Variants in NRG1 observed in about 807,000 individuals in gnomAD.
NRG1 encodes the protein neuregulin 1, also known as pro-neuregulin-1, membrane-bound isoform.
In NRG1, 18 loss-of-function variants were observed where a neutral mutation model predicts 63.8. The observed-to-expected ratio is 0.28, with a 90% CI of 0.19 to 0.42. The LOEUF is 0.42. NRG1 is among the 10% of genes least tolerant of loss of function. NRG1 has a pLI of 1.00. For missense variants in NRG1, 762 were observed against 814.7 expected, an observed-to-expected ratio of 0.94 and a Z score of 0.79; for synonymous variants, 302 against 301.3, an observed-to-expected ratio of 1.00 and a Z score of -0.02.
chr8:32,103,033 G>C (rs1830771931), intron 1 of NRG1, among the ~76,000 whole-genome samples: 1 of 152,054 alleles, frequency 6.6e-6, no homozygotes, highest in South Asian at 2.1e-4. Flanking sequence ...TTTATCCTTT[G>C]TGTTACAAAC....
intron 1 of NRG1, among the ~76,000 whole-genome samples, chr8:32,191,175 C>T (rs1163724233): frequency 6.6e-6 from 1 of 151,868 alleles, no homozygotes; most frequent in Non-Finnish European, 1.5e-5. Context: ...ACCTCTGGCT[C>T]ATGGATTCAA....
intron 1 of NRG1, among the ~76,000 whole-genome samples, chr8:32,337,653 CAAAAAAAAAAAA>C (rs71208174): frequency 4.9e-4 from 12 of 24,704 alleles, no homozygotes; most frequent in African/African-American, 1.2e-3. Flanking sequence ...AGAGTTATTG[CAAAAAAAAAAAA>C]AAAAAAAAAA....
At chr8:31,894,025 A>G (rs1247783244) in intron 1 of NRG1, among the ~76,000 whole-genome samples, 1 of 152,152 alleles carries the variant, frequency 6.6e-6, no homozygotes, top group Non-Finnish European at 1.5e-5. Context: ...AAAAATGTTT[A>G]GAGAAAATGC....
chr8:32,540,098 T>G (rs1354256775), intron 1 of NRG1, among the ~76,000 whole-genome samples: 3 of 152,132 alleles, frequency 2.0e-5, no homozygotes, highest in Admixed American at 2.0e-4. Flanking sequence ...TTGTTGTTGT[T>G]ATGGTTTCTT....
intron 1 of NRG1, among the ~76,000 whole-genome samples, chr8:32,240,851 A>G (rs1481732): frequency 1.3e-5 from 2 of 151,888 alleles, no homozygotes; most frequent in South Asian, 4.1e-4. Context: ...AGATTTAATC[A>G]ATTATATGAG....
At chr8:32,205,105 C>A (rs1299704729) in intron 1 of NRG1, among the ~76,000 whole-genome samples, 1 of 152,078 alleles carries the variant, frequency 6.6e-6, no homozygotes, top group Non-Finnish European at 1.5e-5. Context: ...GTAAACATAT[C>A]ATATAAATGG....
intron 1 of NRG1, among the ~76,000 whole-genome samples, chr8:32,305,401 G>A (rs1295026187): frequency 1.3e-5 from 2 of 149,616 alleles, no homozygotes; most frequent in Admixed American, 1.4e-4. Flanking sequence ...AAACCAGAAT[G>A]TTGTTCACCA....
At chr8:32,198,160 T>C (rs889334493) in intron 1 of NRG1, among the ~76,000 whole-genome samples, 1 of 152,146 alleles carries the variant, frequency 6.6e-6, no homozygotes, top group Non-Finnish European at 1.5e-5. Flanking sequence ...CATTTTTTAT[T>C]GTTTCCTTTT....
At chr8:32,199,684 C>A (rs1843307046) in intron 1 of NRG1, among the ~76,000 whole-genome samples, 1 of 152,250 alleles carries the variant, frequency 6.6e-6, no homozygotes, top group East Asian at 1.9e-4. Context: ...TAACATATTT[C>A]TAATCCTTTG....
chr8:32,157,048 TCG>T (rs1838167282), intron 1 of NRG1, among the ~76,000 whole-genome samples: 1 of 97,720 alleles, frequency 1.0e-5, no homozygotes, highest in Admixed American at 1.2e-4. Flanking sequence ...AAATTAAAAC[TCG>T]TGTGTGTGTG....
chr8:32,467,775 A>G (rs1278176704), intron 1 of NRG1, among the ~76,000 whole-genome samples: 2 of 152,218 alleles, frequency 1.3e-5, no homozygotes, highest in Admixed American at 6.5e-5. Context: ...CAGAACTGGT[A>G]TGATGTGAAA....
intron 1 of NRG1, among the ~76,000 whole-genome samples, chr8:32,345,580 A>T (rs1227193308): frequency 6.6e-6 from 1 of 152,186 alleles, no homozygotes; most frequent in African/African-American, 2.4e-5. Context: ...AAGTACAGCA[A>T]CCTCAATGTC....
intron 1 of NRG1, among the ~76,000 whole-genome samples, chr8:32,260,302 T>C (rs750242701): frequency 1.3e-5 from 2 of 152,206 alleles, no homozygotes; most frequent in Non-Finnish European, 2.9e-5. Flanking sequence ...GATGACGTCC[T>C]AGATAATTTT....
At chr8:32,543,308 T>C (rs1563608941), upstream of NRG1, among the ~76,000 whole-genome samples, 1 of 152,142 alleles carries the variant, frequency 6.6e-6, no homozygotes, top group African/African-American at 2.4e-5. Context: ...TATGTATATA[T>C]GTATGTACAC....
intron 1 of NRG1, among the ~76,000 whole-genome samples, chr8:32,432,787 C>A (rs1818307583): frequency 6.6e-6 from 1 of 152,116 alleles, no homozygotes; most frequent in African/African-American, 2.4e-5. Context: ...CGCACCCAGC[C>A]AATCACACTG....
intron 1 of NRG1, among the ~76,000 whole-genome samples, chr8:32,434,781 T>G (rs1012358796): frequency 6.6e-6 from 1 of 151,866 alleles, no homozygotes; most frequent in Non-Finnish European, 1.5e-5. Context: ...ATTCAACCAG[T>G]TGAAGAGAGA....
At chr8:31,725,544 C>G (rs940141773) in intron 1 of NRG1, among the ~76,000 whole-genome samples, 11 of 152,122 alleles carry the variant, frequency 7.2e-5, no homozygotes, top group Non-Finnish European at 8.8e-5. Context: ...CATTCTGGAT[C>G]TTGGCACACA....
Position 31,894,546 on chromosome 8 carries a change from C to CTTTTTTTTTTTTTTTTTT in NRG1, c.37+255121_37+255122insTTTTTTTTTTTTTTTTTT, listed in dbSNP as rs370312165. Among the ~76,000 whole-genome samples the CTTTTTTTTTTTTTTTTTT allele has an allele frequency of 2.0e-5, 2 of 98,068 alleles. 1 individual carries two copies. The highest frequency in any genetic ancestry group is 6.6e-5 in the African/African-American group (2 of 30,082). 64.3% of individuals were successfully genotyped at this position (98,068 alleles called of 152,430 possible). ...GTGAAATCATAATTGCTATTTCTTTCTTTTTTCTTTTTTTTTTTTTTTGAG... is the reference window on the plus strand; with the variant it reads ...GTGAAATCATAATTGCTATTTCTTTCTTTTTTTTTTTTTTTTTTTTTTTTCTTTTTTTTTTTTTTTGAG... On this transcript the variant is annotated intron_variant, in intron 1 of 10. Coordinates refer to the NRG1 transcript ENST00000519301.
At chr8:31,912,951 A>G (rs749644972) in intron 1 of NRG1, among the ~76,000 whole-genome samples, 3 of 152,136 alleles carry the variant, frequency 2.0e-5, no homozygotes, top group Non-Finnish European at 4.4e-5. Flanking sequence ...TGTTTTGATG[A>G]TAGGTAATTT....
Sources: gnomAD v4.1 joint callset for allele counts (sites outside exome capture counted in the v4.1 genomes callset) on GRCh38, gnomAD v4.1.1 for gene constraint, MANE v1.5 for transcripts, NCBI Gene and HGNC (gene_info 2026-07-23, HGNC 2026-07-21) for gene names.